The following C14orf180 variants were observed in gnomAD, a reference collection of about 807,000 sequenced individuals.
C14orf180 encodes chromosome 14 open reading frame 180, also known as nutritionally-regulated adipose and cardiac enriched protein homolog.
C14orf180 carries 13 observed loss-of-function variants against 13.9 expected under a neutral mutation model. That is an observed-to-expected ratio of 0.94 (90% confidence interval 0.61 to 1.49). C14orf180 has a LOEUF of 1.49. Among genes scored for constraint, C14orf180 ranks in the 40% most tolerant of loss-of-function variants. C14orf180 has a pLI of 0.00. For synonymous variants in C14orf180, 113 were observed against 106.3 expected, an observed-to-expected ratio of 1.06 and a Z score of -0.39; for missense variants, 238 against 232.0, an observed-to-expected ratio of 1.03 and a Z score of -0.17.
At chr14:104,582,125 T>G (rs1886458319) in intron 1 of C14orf180, among the ~76,000 whole-genome samples, 1 of 151,926 alleles carries the variant, frequency 6.6e-6, no homozygotes, top group Admixed American at 6.5e-5. Flanking sequence ...CAGAGAAACA[T>G]CAGGAGGTGG....
At chr14:104,580,875 G>T (rs780563796) in intron 1 of C14orf180, among the ~76,000 whole-genome samples, 3 of 152,218 alleles carry the variant, frequency 2.0e-5, no homozygotes, top group Non-Finnish European at 2.9e-5. Flanking sequence ...GCCTAGGGTG[G>T]CCCCTGCACC....
intron 3 of C14orf180, 39 bp from the exon 4 acceptor site, chr14:104,588,235 G>A: frequency 6.2e-7 from 1 of 1,613,402 alleles, no homozygotes; most frequent in Non-Finnish European, 8.5e-7. Flanking sequence ...GATGGACTGA[G>A]GCAGGTGCCC....
At position 104,589,200 on chromosome 14, in the gene C14orf180, G is replaced by A. The variant is rs375633438; in HGVS notation, c.*417G>A. The A allele has an allele frequency of 9.3e-5, 31 of 332,678 alleles. No homozygotes were observed. The highest frequency in any genetic ancestry group is 4.0e-4 in the African/African-American group (19 of 46,966). The allele number at this position is 332,678 out of a possible 1,614,324, so 20.6% of individuals were successfully genotyped here. ...ACTGCCCGTGTTCAAGGGGCTGCTC[G>A]GAGGAGGCAAACCCAGCCTTTTGCG... On this transcript the variant is annotated 3_prime_UTR_variant, in exon 5 of 5. Transcript: ENST00000557649. This position sits in a 1 kb window ranked among gnomAD's most constrained non-coding sequence, Gnocchi z 4.9.
intron 1 of C14orf180, among the ~76,000 whole-genome samples, chr14:104,581,795 G>A (rs538504737): frequency 6.6e-6 from 1 of 151,526 alleles, no homozygotes; most frequent in South Asian, 2.1e-4. Context: ...CCTGGGGGAG[G>A]CTGCACCTGG....
chr14:104,583,452 T>TA (rs1886507234), intron 1 of C14orf180, among the ~76,000 whole-genome samples: 3 of 152,210 alleles, frequency 2.0e-5, no homozygotes, highest in Non-Finnish European at 2.9e-5. Context: ...GTCTGTGCAC[T>TA]GACTCCCACC....
intron 1 of C14orf180, among the ~76,000 whole-genome samples, chr14:104,582,371 G>A (rs1006920236): frequency 6.6e-6 from 1 of 152,180 alleles, no homozygotes; most frequent in African/African-American, 2.4e-5. Context: ...TGCCACGGCC[G>A]CTGGGCTCCA....
Position 104,588,884 on chromosome 14 carries a change from G to T in C14orf180, c.*101G>T. 6.7e-7 allele frequency: 1 copy of T among 1,485,390 alleles called. No individual in the cohort carries two copies. The highest frequency in any genetic ancestry group is 8.9e-7 in the Non-Finnish European group (1 of 1,118,088). 92.0% of individuals were successfully genotyped at this position (1,485,390 alleles called of 1,614,324 possible). On this transcript the variant is annotated 3_prime_UTR_variant, in exon 5 of 5. Coordinates refer to ENST00000557649, the MANE Select transcript of C14orf180 (RefSeq NM_001008404.3). ...CTGGCCCTGCTGCTTGGTGAATCAT[G>T]GGGGCCAAAAGGGGCTGCTGCCTGA... is the stretch of plus-strand genomic sequence containing the variant.
At chr14:104,581,953 G>A (rs982124588) in intron 1 of C14orf180, among the ~76,000 whole-genome samples, 6 of 152,170 alleles carry the variant, frequency 3.9e-5, no homozygotes, top group Admixed American at 2.6e-4. Context: ...GCTCAGAGCC[G>A]AGGAAGGGCA....
chr14:104,588,436 G>C (rs1009765947), intron 4 of C14orf180, 127 bp downstream of exon 4: 13 of 1,503,472 alleles, frequency 8.6e-6, no homozygotes, highest in Middle Eastern at 3.6e-4. Context: ...GGGAGCTCTT[G>C]TTGCAAGGAG....
chr14:104,588,560 C>T lies in C14orf180; in HGVS notation c.278-18C>T, dbSNP rs1201331408. On this transcript the variant is annotated intron_variant, in intron 4 of 4. Coordinates refer to ENST00000557649, the MANE Select transcript of C14orf180 (RefSeq NM_001008404.3). ...GTCGCGCTGGCTGGCGCTGACCCTG[C>T]CTGCCCTCTGGCCGCAGTGCCCGGC... is the stretch of plus-strand genomic sequence containing the variant. 1.4e-6 allele frequency: 2 copies of T among 1,442,230 alleles called. No individual in the cohort carries two copies. The highest frequency in any genetic ancestry group is 2.9e-5 in the African/African-American group (2 of 69,946). The allele number at this position is 1,442,230 out of a possible 1,614,324, so 89.3% of individuals were successfully genotyped here. A position where few individuals can be genotyped will look rare whatever the true frequency, so the allele number is the denominator to read the frequency against.
At position 104,588,716 on chromosome 14, in the gene C14orf180, T is replaced by C. The variant is rs1438735763; in HGVS notation, c.416T>C (p.Leu139Pro). ...ATALEDLRAR[L>P]LGLVLHLRHV... ...GCACTGGAGGACCTGCGGGCCCGGC[T>C]CCTCGGCCTTGTCCTGCACCTGCGG... Residue 139 changes from leucine to proline, a missense_variant, in exon 5 of 5, where the codon CTC becomes CCC. Physicochemically the swap from Leu to Pro is moderately conservative, Grantham distance 98. Coordinates refer to ENST00000557649, the MANE Select transcript of C14orf180 (RefSeq NM_001008404.3). 9 of 1,535,552 alleles carry C rather than the reference T, an allele frequency of 5.9e-6. No individual in the cohort carries two copies. The highest frequency in any genetic ancestry group is 7.9e-6 in the Non-Finnish European group (9 of 1,146,340).
rs572278637 is a variant in C14orf180 at position 104,587,781 on chromosome 14, G to A, written c.144G>A (p.Leu48=). ...EDNRKCPPSI[L]KRSRPEHHRP... ...ACAGGAAGTGCCCCCCCTCCATCCT[G>A]AAACGGAGCCGGCCGGAGCACCACC... Residue 48 remains leucine (L), a synonymous_variant, in exon 3 of 5, where the codon CTG becomes CTA. Transcript: ENST00000557649. 1 of 1,612,814 alleles carries A rather than the reference G, an allele frequency of 6.2e-7. No individual in the cohort carries two copies. Among genetic ancestry groups the A allele is most frequent in the Non-Finnish European group, 8.5e-7 (1 of 1,179,702 alleles).
At chr14:104,585,147 C>T (rs1056916253) in intron 1 of C14orf180, among the ~76,000 whole-genome samples, 1 of 152,238 alleles carries the variant, frequency 6.6e-6, no homozygotes, top group Non-Finnish European at 1.5e-5. Context: ...ATGCAAACAC[C>T]TGCCCTGTGA....
chr14:104,588,863 C>A lies in C14orf180; in HGVS notation c.*80C>A. 6.7e-7 allele frequency: 1 copy of A among 1,498,516 alleles called. No individual in the cohort carries two copies. Among genetic ancestry groups the A allele is most frequent in the South Asian group, 1.3e-5 (1 of 79,538 alleles). 92.8% of individuals were successfully genotyped at this position (1,498,516 alleles called of 1,614,324 possible). A position where few individuals can be genotyped will look rare whatever the true frequency, so the allele number is the denominator to read the frequency against. On this transcript the variant is annotated 3_prime_UTR_variant, in exon 5 of 5. Coordinates refer to ENST00000557649, the MANE Select transcript of C14orf180 (RefSeq NM_001008404.3). ...GGCTCCGAGACAGCCTGAGCCCTGG[C>A]CCTGCTGCTTGGTGAATCATGGGGG...
intron 1 of C14orf180, among the ~76,000 whole-genome samples, chr14:104,584,164 C>T (rs142563913): frequency 2.0e-5 from 3 of 152,318 alleles, no homozygotes; most frequent in Admixed American, 6.5e-5. Flanking sequence ...TGCGTGACTC[C>T]GTCGGCCCAA....
At chr14:104,585,117 C>T (rs2140461575) in intron 1 of C14orf180, among the ~76,000 whole-genome samples, 1 of 152,338 alleles carries the variant, frequency 6.6e-6, no homozygotes, top group East Asian at 1.9e-4. Flanking sequence ...CCACGGGGAG[C>T]CAGGGAAGCA....
At position 104,587,350 on chromosome 14, in the gene C14orf180, C is replaced by T. The variant is rs1405022743; in HGVS notation, c.112-399C>T. ...GCCCTCCTCACGGCCCTGGCCCGGC[C>T]CCTGCCCCATAGAGCTTGCAAACTC... On this transcript the variant is annotated intron_variant, in intron 2 of 4. Coordinates refer to ENST00000557649, the MANE Select transcript of C14orf180 (RefSeq NM_001008404.3). Among the ~76,000 whole-genome samples the T allele has an allele frequency of 2.6e-5, 4 of 152,200 alleles. No individual in the cohort carries two copies. In the South Asian group the frequency reaches 6.2e-4, roughly 24 times the overall value.
Position 104,587,860 on chromosome 14 carries a change from C to T in C14orf180, c.223C>T (p.Pro75Ser). The change falls in exon 3 of 5, where the codon CCA (proline) becomes TCA (serine). Residue 75 changes from proline (P) to serine (S), a missense_variant. Physicochemically the swap from Pro to Ser is moderately conservative, Grantham distance 74. Transcript: ENST00000557649. Reference protein sequence around the residue: ...TSRRVWFREPPAVTVHYIADK... With the variant: ...TSRRVWFREPSAVTVHYIADK... ...GAGGCGCGTGTGGTTCCGAGAACCC[C>T]CAGCGGTGACCGTCCACTGTAAGAG... The T allele has an allele frequency of 1.2e-6, 2 of 1,608,496 alleles. No homozygotes were observed. The highest frequency in any genetic ancestry group is 1.3e-5 in the African/African-American group (1 of 74,968).
At chr14:104,580,798 C>T (rs559209364) in intron 1 of C14orf180, among the ~76,000 whole-genome samples, 1 of 152,380 alleles carries the variant, frequency 6.6e-6, no homozygotes, top group South Asian at 2.1e-4. Context: ...GGCAAACAGC[C>T]CCCATTCCAC....
Sources: gnomAD v4.1 joint callset for allele counts (sites outside exome capture counted in the v4.1 genomes callset) on GRCh38, gnomAD v4.1.1 for gene constraint, Gnocchi (gnomAD v3.1) non-coding constraint, MANE v1.5 for transcripts, NCBI Gene and HGNC (gene_info 2026-07-23, HGNC 2026-07-21) for gene names.